The following SLC25A36 variants were observed in gnomAD, a reference collection of about 807,000 sequenced individuals.
SLC25A36 encodes solute carrier family 25 member 36.
Under a neutral mutation model 35.3 loss-of-function variants are expected in SLC25A36, and 24 were observed. That is an observed-to-expected ratio of 0.68 (90% confidence interval 0.49 to 0.96). The LOEUF is 0.96. Among genes scored for constraint, SLC25A36 ranks in the 40% least tolerant of loss-of-function variants. The pLI is 0.00. For missense variants in SLC25A36, 294 were observed against 381.1 expected (o/e 0.77, Z 1.90); for synonymous variants, 141 against 132.2 (o/e 1.07, Z -0.46).
At chr3:140,944,779 A>G (rs925427447) in intron 1 of SLC25A36, among the ~76,000 whole-genome samples, 1 of 151,688 alleles carries the variant, frequency 6.6e-6, no homozygotes, top group African/African-American at 2.4e-5. Flanking sequence ...GTCTATTTTT[A>G]TATCCTGGAG....
chr3:140,942,838 A>G (rs1019319376), intron 1 of SLC25A36: 2 of 152,222 alleles, frequency 1.3e-5, no homozygotes, highest in African/African-American at 2.4e-5. Flanking sequence ...GAGGTTTTCC[A>G]GGTGGTGAAT....
chr3:140,955,631 A>G (rs895449018), intron 1 of SLC25A36, among the ~76,000 whole-genome samples: 1 of 152,180 alleles, frequency 6.6e-6, no homozygotes, highest in African/African-American at 2.4e-5. Flanking sequence ...TAACAAGCCT[A>G]CCTACATTGT....
intron 1 of SLC25A36, among the ~76,000 whole-genome samples, chr3:140,948,913 A>G: frequency 6.6e-6 from 1 of 152,278 alleles, no homozygotes; most frequent in East Asian, 1.9e-4. Flanking sequence ...TTCATCTGCT[A>G]TTCATATTCA....
rs58945853 is a variant in SLC25A36, at chr3:140,977,061, C to T, written c.*608C>T. The T allele has an allele frequency of 6.6e-6, 1 of 152,212 alleles. No individual in the cohort carries two copies. Among genetic ancestry groups the T allele is most frequent in the East Asian group, 1.9e-4 (1 of 5,190 alleles). 9.4% of individuals were successfully genotyped at this position (152,212 alleles called of 1,614,324 possible). On this transcript the variant is annotated 3_prime_UTR_variant, in exon 7 of 7. Transcript: ENST00000324194. Reference sequence around the variant, plus strand: ...CTGCTGACAGGTGCTTGTTGTTTAGCCTAATGTGGATATTTAAATTGTTAA... The same window carrying T: ...CTGCTGACAGGTGCTTGTTGTTTAGTCTAATGTGGATATTTAAATTGTTAA...
At chr3:140,972,635 G>T (rs931953251) in intron 5 of SLC25A36, 4 of 151,644 alleles carry the variant, frequency 2.6e-5, no homozygotes, top group Non-Finnish European at 4.4e-5. Context: ...AAAAGAAAAA[G>T]AAAAAAATTA....
intron 1 of SLC25A36, among the ~76,000 whole-genome samples, chr3:140,955,647 T>G (rs1005375445): frequency 1.3e-5 from 2 of 152,154 alleles, no homozygotes; most frequent in Admixed American, 1.3e-4. Context: ...ATTGTACAGT[T>G]TTCCACGTGT....
intron 4 of SLC25A36, chr3:140,967,137 A>G: frequency 2.2e-6 from 1 of 445,594 alleles, no homozygotes; most frequent in Non-Finnish European, 4.6e-6. Context: ...ATTAACTTTT[A>G]TTTCCTGAAT....
In SLC25A36 at chr3:140,980,555, G is replaced by C. The variant is rs1050900956; in HGVS notation, c.*4102G>C. Among the ~76,000 whole-genome samples, 2 of 152,032 alleles carry C rather than the reference G, an allele frequency of 1.3e-5. No homozygotes were observed. Among genetic ancestry groups the C allele is most frequent in the African/African-American group, 4.8e-5 (2 of 41,392 alleles). On this transcript the variant is annotated 3_prime_UTR_variant, in exon 7 of 7. Transcript: ENST00000324194. The stretch of plus-strand genomic sequence containing the variant: ...AAATTGAGCACAGGTGTTCCAAGTT[G>C]TGTGTGTGTGTTTATTACTGAACAT...
At chr3:140,964,133 T>G (rs1440409622) in intron 4 of SLC25A36, 1 of 151,980 alleles carries the variant, frequency 6.6e-6, no homozygotes, top group African/African-American at 2.4e-5. Context: ...TGCTTAATAA[T>G]GAGTGCCTTA....
At chr3:140,974,740 A>G (rs1022043747) in intron 6 of SLC25A36, among the ~76,000 whole-genome samples, 13 of 152,130 alleles carry the variant, frequency 8.5e-5, no homozygotes, top group African/African-American at 2.9e-4. Flanking sequence ...TAAGCGCTTC[A>G]TTTTTGTTCA....
rs74628590 is a variant in SLC25A36 at position 140,963,245 on chromosome 3, TAAA to T, written c.385+30_385+32del. The T allele has an allele frequency of 3.7e-5, 44 of 1,176,106 alleles. No individual in the cohort carries two copies. Among genetic ancestry groups the T allele is most frequent in the Admixed American group, 5.6e-5 (2 of 35,966 alleles). The allele number at this position is 1,176,106 out of a possible 1,614,324, so 72.9% of individuals were successfully genotyped here. ...AATGGCAGGTATGAATGTATAATAT[TAAA>T]AAAAAAAAAAACTTTCTGAAACCTA... On this transcript the variant is annotated intron_variant, in intron 4 of 6. Coordinates refer to ENST00000324194, the MANE Select transcript of SLC25A36 (RefSeq NM_001104647.3).
intron 6 of SLC25A36, among the ~76,000 whole-genome samples, chr3:140,975,161 G>A (rs1935010205): frequency 8.2e-6 from 1 of 121,338 alleles, no homozygotes; most frequent in Non-Finnish European, 1.6e-5. Flanking sequence ...AGGCTTGAGT[G>A]CAGTCACATG....
At chr3:140,959,070 C>A in intron 2 of SLC25A36, among the ~76,000 whole-genome samples, 1 of 142,006 alleles carries the variant, frequency 7.0e-6, no homozygotes, top group East Asian at 2.1e-4. Context: ...GGCTGGAGTG[C>A]AGTGGCGCAA....
chr3:140,950,768 A>G, intron 1 of SLC25A36, among the ~76,000 whole-genome samples: 1 of 152,190 alleles, frequency 6.6e-6, no homozygotes, highest in Non-Finnish European at 1.5e-5. Context: ...GCAGTAGCGC[A>G]TCTTGGTGTG....
rs1441151958 is a variant in SLC25A36 at position 140,978,894 on chromosome 3, T to C, written c.*2441T>C. 1.3e-5 allele frequency: 2 copies of C among 151,138 alleles called. No homozygotes were observed. The highest frequency in any genetic ancestry group is 2.9e-5 in the Non-Finnish European group (2 of 67,926). The allele number at this position is 151,138 out of a possible 1,614,324, so 9.4% of individuals were successfully genotyped here. On this transcript the variant is annotated 3_prime_UTR_variant, in exon 7 of 7. Transcript: ENST00000324194. ...TTGAAGTTTTTAAAAAATCGACTCA[T>C]GTTTAAAAACAAAAACACATATTCA...
In SLC25A36 at chr3:140,957,569, C is replaced by T. The variant is rs148964793; in HGVS notation, c.206+878C>T. Among the ~76,000 whole-genome samples the T allele has an allele frequency of 1.7e-3, 252 of 152,122 alleles. 3 individuals carry two copies. In the East Asian group the frequency reaches 0.019, roughly 12 times the overall value. On this transcript the variant is annotated intron_variant, in intron 2 of 6. Transcript: ENST00000324194. ...CCAGCCTGGCCAACATGGTGAAACC[C>T]CGTCTGTACTAAAAATACAAAATTA...
chr3:140,959,922 C>T (rs1934585428), intron 3 of SLC25A36, among the ~76,000 whole-genome samples: 1 of 151,864 alleles, frequency 6.6e-6, no homozygotes, highest in African/African-American at 2.4e-5. Flanking sequence ...CATATTATAC[C>T]TAGAAGTTTA....
At chr3:140,951,403 A>G (rs761222167) in intron 1 of SLC25A36, among the ~76,000 whole-genome samples, 1 of 152,222 alleles carries the variant, frequency 6.6e-6, no homozygotes, top group Non-Finnish European at 1.5e-5. Flanking sequence ...GTTGCATTCT[A>G]TAATGTAAAA....
At chr3:140,957,761 A>T (rs1296757676) in intron 2 of SLC25A36, among the ~76,000 whole-genome samples, 1 of 152,210 alleles carries the variant, frequency 6.6e-6, no homozygotes, top group East Asian at 1.9e-4. Flanking sequence ...TGCTATAGTT[A>T]TACATAAATA....
Sources: gnomAD v4.1 joint callset for allele counts (sites outside exome capture counted in the v4.1 genomes callset) on GRCh38, gnomAD v4.1.1 for gene constraint, MANE v1.5 for transcripts, NCBI Gene and HGNC (gene_info 2026-07-23, HGNC 2026-07-21) for gene names.